The following TRMT11 variants were observed in gnomAD, a reference collection of about 807,000 sequenced individuals.
TRMT11 encodes the protein tRNA methyltransferase 11.
In TRMT11, 53 loss-of-function variants were observed where a neutral mutation model predicts 62.8. The ratio of observed to expected loss-of-function variants is 0.84; its 90% CI spans 0.68 to 1.06. TRMT11 has a LOEUF of 1.06. Among genes scored for constraint, TRMT11 ranks in the 50% least tolerant of loss-of-function variants. TRMT11 has a pLI of 0.00. For synonymous variants in TRMT11, 188 were observed against 190.3 expected (o/e 0.99, Z 0.10); for missense variants, 556 against 553.4 (o/e 1.00, Z -0.05).
In TRMT11 at chr6:126,098,214, A is replaced by T. The variant is rs902731094; in HGVS notation, c.*1438-14652A>T. ...CTCACTTCCCACCTCTGATCTCCTG[A>T]TGTGTTTGCTGCTGCGTTCATTTCC... On this transcript the variant is annotated intron_variant and NMD_transcript_variant, in intron 17 of 22. Transcript: ENST00000648977. Among the ~76,000 whole-genome samples the T allele has an allele frequency of 4.6e-5, 7 of 152,004 alleles. No homozygotes were observed. In the South Asian group the frequency reaches 6.3e-4, roughly 14 times the overall value.
intron 8 of TRMT11, chr6:126,009,527 C>G (rs1468686981): frequency 3.3e-5 from 5 of 151,930 alleles, no homozygotes; most frequent in Admixed American, 6.6e-5. Flanking sequence ...TTATAATACT[C>G]TTTTCCTTTT....
downstream of TRMT11, among the ~76,000 whole-genome samples, chr6:126,040,505 G>C (rs1366227236): frequency 6.6e-6 from 1 of 152,096 alleles, no homozygotes; most frequent in African/African-American, 2.4e-5. Flanking sequence ...ATTTTAACGA[G>C]AGAGTTTTAT....
chr6:126,138,583 A>G (rs1314240724), intron 21 of TRMT11, among the ~76,000 whole-genome samples: 1 of 152,060 alleles, frequency 6.6e-6, no homozygotes, highest in Non-Finnish European at 1.5e-5. Context: ...TCAGAGATTT[A>G]GATGAAATTC....
rs191617860 is a variant in TRMT11 at position 126,171,945 on chromosome 6, C to G, written c.*1824-2880C>G. ...TATTGGCTAGGCTGGTCTCAAACTC[C>G]TGATCTCAGGTGATCCACCCGCCTC... On this transcript the variant is annotated intron_variant and NMD_transcript_variant, in intron 21 of 22. Coordinates refer to the TRMT11 transcript ENST00000648977. Among the ~76,000 whole-genome samples, 614 of 152,196 alleles carry G rather than the reference C, an allele frequency of 4.0e-3. 2 individuals are homozygous for G. The highest frequency in any genetic ancestry group is 0.013 in the African/African-American group (545 of 41,522).
intron 11 of TRMT11, among the ~76,000 whole-genome samples, chr6:126,018,637 C>T (rs773748950): frequency 6.6e-6 from 1 of 151,438 alleles, no homozygotes; most frequent in African/African-American, 2.4e-5. Context: ...GTAGTTACCA[C>T]CCCCCTATCT....
chr6:125,992,975 G>A (rs189274814), intron 1 of TRMT11, among the ~76,000 whole-genome samples: 282 of 152,252 alleles, frequency 1.9e-3, no homozygotes, highest in Non-Finnish European at 3.0e-3. Flanking sequence ...CCTGGTCTGG[G>A]TATAGTTTCC....
At chr6:126,097,438 A>G (rs567435792) in intron 17 of TRMT11, among the ~76,000 whole-genome samples, 25 of 152,198 alleles carry the variant, frequency 1.6e-4, no homozygotes, top group Non-Finnish European at 2.8e-4. Flanking sequence ...TACATTTTCA[A>G]TGTCCCAGGC....
intron 17 of TRMT11, among the ~76,000 whole-genome samples, chr6:126,059,429 T>C (rs2128124064): frequency 6.6e-6 from 1 of 152,306 alleles, no homozygotes; most frequent in African/African-American, 2.4e-5. Context: ...GGAGTATCTG[T>C]GGCAGCTTTT....
the TRMT11 span, among the ~76,000 whole-genome samples, chr6:126,219,213 G>A: frequency 6.6e-6 from 1 of 152,044 alleles, no homozygotes; most frequent in Non-Finnish European, 1.5e-5. Context: ...TTTTTTTTGT[G>A]TGTGTAGATA....
At chr6:126,241,880 G>T in the TRMT11 span, among the ~76,000 whole-genome samples, 1 of 152,146 alleles carries the variant, frequency 6.6e-6, no homozygotes, top group East Asian at 1.9e-4. Context: ...GCACAAGACA[G>T]GGATGCCCTC....
downstream of TRMT11, among the ~76,000 whole-genome samples, chr6:126,040,507 G>C (rs1469103890): frequency 2.0e-5 from 3 of 152,100 alleles, no homozygotes; most frequent in African/African-American, 7.2e-5. Flanking sequence ...TTTAACGAGA[G>C]AGTTTTATTT....
chr6:126,089,565 G>A (rs937386098), intron 17 of TRMT11, among the ~76,000 whole-genome samples: 11 of 152,246 alleles, frequency 7.2e-5, no homozygotes, highest in East Asian at 1.9e-4. Flanking sequence ...TTCAAACTCC[G>A]GTCTGTTCAG....
At chr6:126,262,410 G>A in the TRMT11 span, among the ~76,000 whole-genome samples, 1 of 152,140 alleles carries the variant, frequency 6.6e-6, no homozygotes, top group Admixed American at 6.5e-5. Context: ...CCAGAGTCTT[G>A]GTTGTTCATA....
chr6:126,121,854 C>CA (rs1777653626), intron 21 of TRMT11, among the ~76,000 whole-genome samples: 1 of 152,140 alleles, frequency 6.6e-6, no homozygotes, highest in African/African-American at 2.4e-5. Context: ...AACCACCCCC[C>CA]ACTCCGCCAC....
chr6:126,243,435 GT>G, the TRMT11 span, among the ~76,000 whole-genome samples: 1 of 152,146 alleles, frequency 6.6e-6, no homozygotes, highest in Non-Finnish European at 1.5e-5. Context: ...CCATTACTGG[GT>G]ATATACCCAA....
At chr6:126,228,409 C>G in the TRMT11 span, among the ~76,000 whole-genome samples, 103 of 152,290 alleles carry the variant, frequency 6.8e-4, no homozygotes, top group African/African-American at 1.8e-3. Context: ...GAATAACGTA[C>G]TTGTGTATGA....
At chr6:126,032,384 G>A (rs1441053091) in intron 12 of TRMT11, among the ~76,000 whole-genome samples, 1 of 152,090 alleles carries the variant, frequency 6.6e-6, no homozygotes, top group Non-Finnish European at 1.5e-5. Flanking sequence ...GTCTCATCTT[G>A]TGCCACCTTC....
intron 21 of TRMT11, among the ~76,000 whole-genome samples, chr6:126,169,286 A>G (rs1161761001): frequency 6.6e-6 from 1 of 151,436 alleles, no homozygotes; most frequent in Non-Finnish European, 1.5e-5. Context: ...CTTCTGCAAT[A>G]TTTTTTTTTC....
intron 7 of TRMT11, 35 bp downstream of exon 7, chr6:125,999,648 T>A (rs764016227): frequency 1.3e-6 from 2 of 1,546,532 alleles, no homozygotes; most frequent in Admixed American, 3.8e-5. Context: ...AGTGTAGAGA[T>A]GTTGCTTATT....
Sources: allele counts gnomAD v4.1 joint callset (sites outside exome capture counted in the v4.1 genomes callset), GRCh38; gene constraint gnomAD v4.1.1; transcripts MANE v1.5; gene names NCBI Gene and HGNC (gene_info 2026-07-23, HGNC 2026-07-21).